NEB: variants seen among roughly 807,000 people sequenced by gnomAD.
The protein encoded by NEB is nebulin.
Under a neutral mutation model 952.2 loss-of-function variants are expected in NEB, and 512 were observed. The ratio of observed to expected loss-of-function variants is 0.54; its 90% CI spans 0.50 to 0.58. The LOEUF (loss-of-function observed/expected upper bound fraction) is 0.58, where lower values mean the gene tolerates loss of function less well. Among genes scored for constraint, NEB ranks in the 20% least tolerant of loss-of-function variants. The pLI, the probability that NEB is intolerant of heterozygous loss-of-function variation, is 0.00. For missense variants in NEB, 8,428 were observed against 9,231.1 expected (o/e 0.91, Z 3.56); for synonymous variants, 2,900 against 3,149.8 (o/e 0.92, Z 2.66).
intron 171 of NEB, 131 bp from the exon 172 acceptor site, chr2:151,497,164 G>A: frequency 7.7e-7 from 1 of 1,301,478 alleles, no homozygotes; most frequent in Non-Finnish European, 1.1e-6. Flanking sequence ...GTTATATGCT[G>A]ACAAAATGCC....
At chr2:151,724,451 A>C in intron 7 of NEB, 87 bp from the exon 8 acceptor site, 1 of 1,016,778 alleles carries the variant, frequency 9.8e-7, no homozygotes, top group South Asian at 1.4e-5. Context: ...TCATGAAGGC[A>C]TGCTTGCTCA....
chr2:151,490,262 G>GA, intron 180 of NEB, 110 bp downstream of exon 180: 1 of 1,370,766 alleles, frequency 7.3e-7, no homozygotes, highest in Non-Finnish European at 9.9e-7. Flanking sequence ...CTCATTAAAG[G>GA]AAAGGATGAA....
At chr2:151,493,518 G>T in intron 175 of NEB, 73 bp from the exon 176 acceptor site, 1 of 980,406 alleles carries the variant, frequency 1.0e-6, no homozygotes, top group Non-Finnish European at 1.5e-6. Flanking sequence ...CTTAGCTGGT[G>T]TTATGGCTCA....
At chr2:151,577,643 A>G (rs1257837213) in intron 105 of NEB, among the ~76,000 whole-genome samples, 1 of 152,008 alleles carries the variant, frequency 6.6e-6, no homozygotes, top group African/African-American at 2.4e-5. Context: ...TGCAGTGGCA[A>G]TCTCGGCTCA....
chr2:151,650,186 T>G lies in NEB; in HGVS notation c.7421A>C (p.Asn2474Thr). The change falls in exon 54 of 182, where the codon AAT (asparagine) becomes ACT (threonine). Residue 2474 changes from asparagine (N) to threonine (T), a missense_variant. Asn to Thr is a moderately conservative substitution (Grantham distance 65). Around this residue, in one of 11 missense-constraint regions of NEB, gnomAD observed 1,772 missense variants for 1,960.3 expected, o/e 0.90. Transcript: ENST00000397345. ...DIVLAKTNAKNRSDRLYREAW... is the reference protein window; with the variant it reads ...DIVLAKTNAKTRSDRLYREAW... Reference sequence around the variant, plus strand: ...CAGAGTGCTACTCACATCACTCCTATTTTTGGCATTTGTCTTTGCCAGAAC... The same window carrying G: ...CAGAGTGCTACTCACATCACTCCTAGTTTTGGCATTTGTCTTTGCCAGAAC... The G allele has an allele frequency of 6.2e-7, 1 of 1,613,720 alleles. No homozygotes were observed. The highest frequency in any genetic ancestry group is 8.5e-7 in the Non-Finnish European group (1 of 1,179,678).
intron 162 of NEB, 145 bp downstream of exon 162, chr2:151,507,860 G>A (rs965741313): frequency 5.4e-5 from 34 of 630,820 alleles, no homozygotes; most frequent in Non-Finnish European, 8.5e-5. Context: ...GCCCAGAGAT[G>A]AATTGGGCAC....
Position 151,583,590 on chromosome 2 carries a change from C to T in NEB, c.15840G>A (p.Met5280Ile). 2.5e-6 allele frequency: 1 copy of T among 396,602 alleles called. No homozygotes were observed. 24.6% of individuals were successfully genotyped at this position (396,602 alleles called of 1,614,324 possible). A position where few individuals can be genotyped will look rare whatever the true frequency, so the allele number is the denominator to read the frequency against. ...KGIHNTPLDM[M>I]SIVQAKKCQV... ...GGCATTTCTTGGCTTGAACAATTGA[C>T]ATCATGTCCAACGGTGTGTTGTGAA... is the stretch of plus-strand genomic sequence containing the variant. The change falls in exon 101 of 182, where the codon ATG (methionine) becomes ATA (isoleucine). Residue 5280 changes from methionine to isoleucine, a missense_variant. By Grantham distance (10) the Met-to-Ile change is conservative. This residue lies in a region of NEB where 40 missense variants were observed against 61.2 expected (regional missense o/e 0.65). Coordinates refer to ENST00000397345, the MANE Select transcript of NEB (RefSeq NM_001164508.2).
At chr2:151,510,169 C>A (rs961539487) in intron 161 of NEB, among the ~76,000 whole-genome samples, 3 of 152,190 alleles carry the variant, frequency 2.0e-5, no homozygotes, top group African/African-American at 7.2e-5. Flanking sequence ...CGTATGTTGT[C>A]TCCTGCTAAA....
At position 151,666,363 on chromosome 2, in the gene NEB, C is replaced by T. The variant is rs1215467775; in HGVS notation, c.4758G>A (p.Lys1586=). The change falls in exon 41 of 182, where the codon AAG becomes AAA. Residue 1586 remains lysine (K), a synonymous_variant. Transcript: ENST00000397345. ...YKEAYEKAKG[K]QVGFLSLQDD... Reference sequence around the variant, plus strand: ...CCTGAAGACTGAGAAATCCAACTTGCTTGCCTTTGGCTTTCTCGTAGGCCT... The same window carrying T: ...CCTGAAGACTGAGAAATCCAACTTGTTTGCCTTTGGCTTTCTCGTAGGCCT... 1.9e-6 allele frequency: 3 copies of T among 1,613,836 alleles called. No homozygotes were observed. The highest frequency in any genetic ancestry group is 2.5e-6 in the Non-Finnish European group (3 of 1,179,812).
chr2:151,620,665 C>T (rs568323762), intron 72 of NEB, among the ~76,000 whole-genome samples: 110 of 152,018 alleles, frequency 7.2e-4, no homozygotes, highest in Non-Finnish European at 1.2e-3. Flanking sequence ...AGCATACACA[C>T]ATCTAGCTTT....
intron 120 of NEB, 96 bp downstream of exon 120, chr2:151,562,515 C>A: frequency 8.1e-7 from 1 of 1,239,636 alleles, no homozygotes; most frequent in Non-Finnish European, 1.1e-6. Flanking sequence ...TTTATGAATA[C>A]AGGGACAACG....
At chr2:151,541,351 C>A in intron 136 of NEB, 96 bp downstream of exon 136, 1 of 842,108 alleles carries the variant, frequency 1.2e-6, no homozygotes, top group Non-Finnish European at 1.9e-6. Context: ...CCAGGACAAC[C>A]AAGTGTGTGA....
chr2:151,694,675 T>C lies in NEB; in HGVS notation c.1675-46A>G, dbSNP rs777453859. The C allele has an allele frequency of 6.2e-5, 90 of 1,461,622 alleles. No homozygotes were observed. The Middle Eastern group carries it at 7.4e-4, about 12-fold the overall frequency. The allele number at this position is 1,461,622 out of a possible 1,614,324, so 90.5% of individuals were successfully genotyped here. A position where few individuals can be genotyped will look rare whatever the true frequency, so the allele number is the denominator to read the frequency against. On this transcript the variant is annotated intron_variant, in intron 18 of 181. Transcript: ENST00000397345. Reference sequence around the variant, plus strand: ...AAGGAATTGGCAAAAGTGATATGCATGTCACGACCTTTAAAGACTAGTGGG... The same window carrying C: ...AAGGAATTGGCAAAAGTGATATGCACGTCACGACCTTTAAAGACTAGTGGG...
chr2:151,721,353 C>T (rs186234545), intron 9 of NEB, among the ~76,000 whole-genome samples: 6 of 152,246 alleles, frequency 3.9e-5, no homozygotes, highest in East Asian at 1.9e-4. Flanking sequence ...GTCCTGCTGC[C>T]GGCATTCTCA....
chr2:151,712,700 AAGGGTCCAT>A (rs2099748515), intron 10 of NEB, among the ~76,000 whole-genome samples: 1 of 152,104 alleles, frequency 6.6e-6, no homozygotes, highest in African/African-American at 2.4e-5. Context: ...TTGAAAGGAC[AAGGGTCCAT>A]AGGTGAAGGA....
chr2:151,724,814 CACATGCTA>C (rs1559649669), intron 7 of NEB, 35 bp downstream of exon 7: 5 of 1,514,376 alleles, frequency 3.3e-6, no homozygotes, highest in Non-Finnish European at 4.6e-6. Context: ...AGAGGTGATG[CACATGCTA>C]CTGAGTACCC....
At chr2:151,688,071 C>T (rs1444938738) in intron 25 of NEB, among the ~76,000 whole-genome samples, 3 of 152,032 alleles carry the variant, frequency 2.0e-5, no homozygotes, top group East Asian at 1.9e-4. Context: ...GAATAGTAGA[C>T]GGGTAATTGG....
Position 151,579,423 on chromosome 2 carries a change from T to C in NEB, c.16619A>G (p.Tyr5540Cys), listed in dbSNP as rs1327068625. Residue 5540 changes from tyrosine to cysteine, a missense_variant, in exon 105 of 182, where the codon TAT becomes TGT. Around this residue, in one of 11 missense-constraint regions of NEB, gnomAD observed 19 missense variants for 49.3 expected, o/e 0.39. Transcript: ENST00000397345. ...AGACCAGCGGTGCAGGTAATGGCGA[T>C]AGTCCACATCACTTGCCAGTGCCTG... is the stretch of plus-strand genomic sequence containing the variant. ...EGQALASDVD[Y>C]RHYLHRWSCF... 15 of 1,531,010 alleles carry C rather than the reference T, an allele frequency of 9.8e-6. No homozygotes were observed. The highest frequency in any genetic ancestry group is 1.4e-5 in the African/African-American group (1 of 71,844). 94.8% of individuals were successfully genotyped at this position (1,531,010 alleles called of 1,614,324 possible). A position where few individuals can be genotyped will look rare whatever the true frequency, so the allele number is the denominator to read the frequency against.
At chr2:151,519,967 A>G (rs2080801708) in intron 153 of NEB, 199 bp from the exon 154 acceptor site, 1 of 439,776 alleles carries the variant, frequency 2.3e-6, no homozygotes, top group Non-Finnish European at 4.0e-6. Flanking sequence ...ATTCAAATAT[A>G]TGATCACTGG....
Sources: gnomAD v4.1 joint callset for allele counts (sites outside exome capture counted in the v4.1 genomes callset) on GRCh38, gnomAD v4.1.1 for gene constraint, gnomAD v4.1.1 regional missense constraint, MANE v1.5 for transcripts, NCBI Gene and HGNC (gene_info 2026-07-23, HGNC 2026-07-21) for gene names.